Variants in GRM7 observed in about 807,000 individuals in gnomAD.
GRM7 encodes the protein metabotropic glutamate receptor 7.
A neutral mutation model predicts 84.5 loss-of-function variants in GRM7; 35 were observed. The observed-to-expected ratio is 0.41, with a 90% CI of 0.32 to 0.55. The LOEUF (loss-of-function observed/expected upper bound fraction) is 0.55, where lower values mean the gene tolerates loss of function less well. GRM7 is among the 20% of genes least tolerant of loss of function. The pLI, the probability that GRM7 is intolerant of heterozygous loss-of-function variation, is 0.19. For synonymous variants in GRM7, 487 were observed against 455.1 expected (o/e 1.07, Z -0.89); for missense variants, 1,003 against 1,194.6 (o/e 0.84, Z 2.36).
chr3:7,466,563 A>T (rs1388641077), intron 7 of GRM7, among the ~76,000 whole-genome samples: 1 of 152,206 alleles, frequency 6.6e-6, no homozygotes, highest in Non-Finnish European at 1.5e-5. Context: ...GTCATCTTTT[A>T]TCTGAAATTA....
intron 8 of GRM7, among the ~76,000 whole-genome samples, chr3:7,639,655 C>T (rs1315694089): frequency 1.3e-5 from 2 of 152,072 alleles, no homozygotes; most frequent in Non-Finnish European, 2.9e-5. Context: ...AGTGATGCTA[C>T]ATAAGCAGCA....
intron 1 of GRM7, among the ~76,000 whole-genome samples, chr3:7,112,317 C>G (rs374981383): frequency 1.3e-4 from 19 of 151,946 alleles, no homozygotes; most frequent in African/African-American, 4.3e-4. Context: ...CTCTACCTCC[C>G]AGGTTCAAGC....
intron 4 of GRM7, among the ~76,000 whole-genome samples, chr3:7,386,351 G>A (rs1694785556): frequency 6.6e-6 from 1 of 152,066 alleles, no homozygotes; most frequent in African/African-American, 2.4e-5. Flanking sequence ...TTAGGTTTGG[G>A]CTTCTAATGT....
At chr3:6,979,349 T>C (rs751885953) in intron 1 of GRM7, among the ~76,000 whole-genome samples, 2 of 152,116 alleles carry the variant, frequency 1.3e-5, no homozygotes, top group South Asian at 2.1e-4. Flanking sequence ...TTTCTGCCGA[T>C]TGGTAGGGGA....
At chr3:7,093,510 T>G (rs60871284) in intron 1 of GRM7, among the ~76,000 whole-genome samples, 69,875 of 150,464 alleles carry the variant, frequency 0.46, 17,210 homozygotes, top group African/African-American at 0.64. Context: ...AAACCCCGTC[T>G]CTAATAAAAT....
At chr3:7,302,319 A>AAT (rs1700029779) in intron 3 of GRM7, among the ~76,000 whole-genome samples, 1 of 152,146 alleles carries the variant, frequency 6.6e-6, no homozygotes, top group Admixed American at 6.5e-5. Flanking sequence ...GATCACATAG[A>AAT]ATTTTGTCAT....
chr3:7,447,635 G>A (rs6789173), intron 5 of GRM7, among the ~76,000 whole-genome samples: 53,827 of 151,850 alleles, frequency 0.35, 10,970 homozygotes, highest in Non-Finnish European at 0.48. Flanking sequence ...TGCGGGGTGC[G>A]TGGGCCGGGT....
intron 2 of GRM7, among the ~76,000 whole-genome samples, chr3:7,255,461 A>T (rs900934487): frequency 2.6e-5 from 4 of 152,244 alleles, no homozygotes; most frequent in Non-Finnish European, 5.9e-5. Context: ...CATTGCTTTG[A>T]CAATCCAAAC....
At chr3:7,552,145 A>G (rs999544941) in intron 7 of GRM7, among the ~76,000 whole-genome samples, 1 of 152,234 alleles carries the variant, frequency 6.6e-6, no homozygotes, top group African/African-American at 2.4e-5. Context: ...GCCCCATGTA[A>G]GTCTGAAATC....
intron 9 of GRM7, among the ~76,000 whole-genome samples, chr3:7,701,054 G>A (rs1245554512): frequency 6.6e-6 from 1 of 152,178 alleles, no homozygotes; most frequent in East Asian, 1.9e-4. Flanking sequence ...GGGAACAGAT[G>A]CATGAAATTG....
At chr3:6,981,669 G>T (rs903373172) in intron 1 of GRM7, among the ~76,000 whole-genome samples, 6 of 152,068 alleles carry the variant, frequency 3.9e-5, no homozygotes, top group Non-Finnish European at 7.4e-5. Flanking sequence ...GGAGAGAACT[G>T]CTTGGTTTCT....
intron 8 of GRM7, among the ~76,000 whole-genome samples, chr3:7,675,910 A>T (rs1559480740): frequency 6.6e-6 from 1 of 152,196 alleles, no homozygotes; most frequent in Non-Finnish European, 1.5e-5. Context: ...TAATGACCAC[A>T]TGAGGTACAA....
intron 7 of GRM7, among the ~76,000 whole-genome samples, chr3:7,566,103 GTTTTTTT>G (rs58178956): frequency 4.6e-5 from 6 of 129,986 alleles, no homozygotes; most frequent in African/African-American, 1.5e-4. Flanking sequence ...TGAATCAGCT[GTTTTTTT>G]TTTTTTTTTT....
chr3:7,153,676 G>A (rs781434005), intron 2 of GRM7, among the ~76,000 whole-genome samples: 1 of 151,998 alleles, frequency 6.6e-6, no homozygotes, highest in Non-Finnish European at 1.5e-5. Flanking sequence ...GGGAAAAAAG[G>A]GACAAGAAAT....
intron 5 of GRM7, among the ~76,000 whole-genome samples, chr3:7,444,086 G>A (rs1193827150): frequency 6.6e-6 from 1 of 152,146 alleles, no homozygotes; most frequent in East Asian, 1.9e-4. Flanking sequence ...AGCAACGATT[G>A]ATGGTAATTG....
intron 1 of GRM7, among the ~76,000 whole-genome samples, chr3:7,031,124 A>G (rs1267492264): frequency 5.3e-5 from 8 of 152,200 alleles, no homozygotes. Flanking sequence ...CATTTTACAA[A>G]TGTAAAGCTT....
intron 1 of GRM7, among the ~76,000 whole-genome samples, chr3:6,957,716 A>C (rs1575066714): frequency 1.3e-5 from 2 of 152,294 alleles, no homozygotes; most frequent in South Asian, 2.1e-4. Flanking sequence ...TCTATTGTCC[A>C]AGATATTTAC....
chr3:7,067,966 C>T (rs1430982368), intron 1 of GRM7, among the ~76,000 whole-genome samples: 6 of 151,764 alleles, frequency 4.0e-5, no homozygotes, highest in East Asian at 1.9e-4. Flanking sequence ...GCATCCCAGC[C>T]GAATATTCAG....
intron 1 of GRM7, among the ~76,000 whole-genome samples, chr3:7,018,510 A>G (rs753423737): frequency 6.6e-6 from 1 of 152,256 alleles, no homozygotes; most frequent in Non-Finnish European, 1.5e-5. Context: ...TAACTGCCCC[A>G]TACTGTACTT....
Sources: allele counts gnomAD v4.1 joint callset (sites outside exome capture counted in the v4.1 genomes callset), GRCh38; gene constraint gnomAD v4.1.1; transcripts MANE v1.5; gene names NCBI Gene and HGNC (gene_info 2026-07-23, HGNC 2026-07-21).